MAP4K3: variants seen among roughly 807,000 people sequenced by gnomAD.
The protein encoded by MAP4K3 is mitogen-activated protein kinase kinase kinase kinase 3, also known as MAPK/ERK kinase kinase kinase 3.
MAP4K3 carries 94 observed loss-of-function variants against 143.5 expected under a neutral mutation model. The ratio of observed to expected loss-of-function variants is 0.65; its 90% confidence interval spans 0.55 to 0.78. MAP4K3 has a LOEUF of 0.78. MAP4K3 is among the 30% of genes least tolerant of loss of function. The pLI is 0.00. For synonymous variants in MAP4K3, 416 were observed against 347.2 expected (o/e 1.20, Z -2.20); for missense variants, 1,077 against 1,068.1 (o/e 1.01, Z -0.12).
chr2:39,333,110 T>C (rs559245317), intron 7 of MAP4K3, among the ~76,000 whole-genome samples: 1 of 152,150 alleles, frequency 6.6e-6, no homozygotes, highest in Non-Finnish European at 1.5e-5. Context: ...ACATTCAGCA[T>C]CTAAATTACA....
chr2:39,436,479 C>A (rs1020032932), intron 1 of MAP4K3, among the ~76,000 whole-genome samples: 10 of 152,050 alleles, frequency 6.6e-5, no homozygotes, highest in Non-Finnish European at 1.5e-4. Flanking sequence ...CAACCTAGAG[C>A]GGACGACCCC....
chr2:39,392,755 G>T (rs1036459298), intron 1 of MAP4K3, among the ~76,000 whole-genome samples: 1 of 152,166 alleles, frequency 6.6e-6, no homozygotes, highest in Non-Finnish European at 1.5e-5. Flanking sequence ...TTTATCTTGA[G>T]ACTGAGTTGG....
intron 12 of MAP4K3, 180 bp from the exon 13 acceptor site, chr2:39,315,568 G>C: frequency 1.9e-6 from 1 of 517,704 alleles, no homozygotes; most frequent in Non-Finnish European, 3.4e-6. Flanking sequence ...ACTATTAGGT[G>C]AAAAAATATT....
chr2:39,398,345 C>T (rs1473249864), intron 1 of MAP4K3, among the ~76,000 whole-genome samples: 2 of 151,386 alleles, frequency 1.3e-5, no homozygotes, highest in African/African-American at 2.4e-5. Flanking sequence ...ACTGATATAA[C>T]GAGAGAGCTC....
chr2:39,338,176 A>G (rs939106958), intron 4 of MAP4K3, among the ~76,000 whole-genome samples: 4 of 152,192 alleles, frequency 2.6e-5, no homozygotes, highest in Non-Finnish European at 5.9e-5. Context: ...ATGAATGTCT[A>G]AAGTAGTCAC....
At chr2:39,292,646 A>C in intron 18 of MAP4K3, 127 bp downstream of exon 18, 1 of 773,920 alleles carries the variant, frequency 1.3e-6, no homozygotes, top group South Asian at 1.5e-5. Flanking sequence ...AAAGGAAGGA[A>C]ACTGAGATAC....
At chr2:39,310,443 A>G (rs1032622706) in intron 13 of MAP4K3, among the ~76,000 whole-genome samples, 4 of 152,188 alleles carry the variant, frequency 2.6e-5, no homozygotes, top group Non-Finnish European at 4.4e-5. Flanking sequence ...TTATGACTGA[A>G]TAATATTCTG....
Position 39,366,301 on chromosome 2 carries a change from G to A in MAP4K3, c.155-9962C>T, listed in dbSNP as rs554590402. On this transcript the variant is annotated intron_variant, in intron 2 of 33. Transcript: ENST00000263881. ...GTGGGGGTGGAGGTGGTGGCTTCCA[G>A]GTTAGAGGGAGATTTTAAAAATTTT... 1.3e-3 allele frequency among the ~76,000 whole-genome samples: 193 copies of A among 152,154 alleles called. 3 individuals are homozygous for A. Among genetic ancestry groups the A allele is most frequent in the African/African-American group, 4.5e-3 (187 of 41,504 alleles).
intron 19 of MAP4K3, among the ~76,000 whole-genome samples, chr2:39,288,848 C>T (rs1456575735): frequency 3.9e-5 from 6 of 152,220 alleles, no homozygotes; most frequent in African/African-American, 1.2e-4. Flanking sequence ...GTCAGGAGAT[C>T]GAGATCATCC....
chr2:39,332,945 T>C (rs1163916651), intron 7 of MAP4K3, among the ~76,000 whole-genome samples: 2 of 152,100 alleles, frequency 1.3e-5, no homozygotes. Flanking sequence ...TTTCATTTAA[T>C]ACTAACAAAT....
chr2:39,424,855 G>C (rs1308992015), intron 1 of MAP4K3, among the ~76,000 whole-genome samples: 2 of 117,714 alleles, frequency 1.7e-5, no homozygotes, highest in African/African-American at 7.8e-5. Context: ...AAAAAAAAAA[G>C]TTACCTACAA....
intron 1 of MAP4K3, among the ~76,000 whole-genome samples, chr2:39,410,194 C>G (rs921151929): frequency 2.0e-5 from 3 of 152,170 alleles, no homozygotes; most frequent in Non-Finnish European, 4.4e-5. Context: ...TCATTTAAAG[C>G]AACAGCTGAT....
Position 39,250,502 on chromosome 2 carries a change from A to G in MAP4K3, c.*116T>C. On this transcript the variant is annotated 3_prime_UTR_variant, in exon 34 of 34. Transcript: ENST00000263881. ...CCCATCTTATCTCATGCCACAATAA[A>G]TTACAAAGTAACTGAAGACAGGTTA... 1 of 970,830 alleles carries G rather than the reference A, an allele frequency of 1.0e-6. No homozygotes were observed. Among genetic ancestry groups the G allele is most frequent in the Non-Finnish European group, 1.5e-6 (1 of 664,986 alleles). The allele number at this position is 970,830 out of a possible 1,614,324, so 60.1% of individuals were successfully genotyped here.
intron 1 of MAP4K3, among the ~76,000 whole-genome samples, chr2:39,379,326 A>G (rs1477558025): frequency 6.6e-6 from 1 of 152,116 alleles, no homozygotes; most frequent in Non-Finnish European, 1.5e-5. Flanking sequence ...AATTAATAAA[A>G]TTTGCAGGGA....
intron 1 of MAP4K3, among the ~76,000 whole-genome samples, chr2:39,426,381 G>A (rs948598444): frequency 5.9e-5 from 9 of 152,068 alleles, no homozygotes; most frequent in Admixed American, 2.0e-4. Flanking sequence ...TGCTATAATA[G>A]ACATTACTGG....
intron 1 of MAP4K3, among the ~76,000 whole-genome samples, chr2:39,421,662 C>G (rs1391520664): frequency 1.3e-5 from 2 of 152,098 alleles, no homozygotes; most frequent in East Asian, 3.8e-4. Flanking sequence ...ATAGTATATA[C>G]TCTATAAATG....
intron 23 of MAP4K3, 49 bp downstream of exon 23, chr2:39,280,223 C>A: frequency 9.4e-7 from 1 of 1,066,326 alleles, no homozygotes; most frequent in Non-Finnish European, 1.3e-6. Context: ...TTTCATGGCC[C>A]CAGTTTTAAA....
At chr2:39,405,307 A>C (rs1667065443) in intron 1 of MAP4K3, among the ~76,000 whole-genome samples, 1 of 152,234 alleles carries the variant, frequency 6.6e-6, no homozygotes, top group African/African-American at 2.4e-5. Flanking sequence ...TTTGGATCTT[A>C]TTGAAGACCA....
chr2:39,297,002 T>C (rs1468185231), intron 16 of MAP4K3, among the ~76,000 whole-genome samples: 2 of 152,234 alleles, frequency 1.3e-5, no homozygotes, highest in Non-Finnish European at 2.9e-5. Context: ...TATACTCAAC[T>C]GTGCCAGGAA....
Sources: gnomAD v4.1 joint callset for allele counts (sites outside exome capture counted in the v4.1 genomes callset) on GRCh38, gnomAD v4.1.1 for gene constraint, MANE v1.5 for transcripts, NCBI Gene and HGNC (gene_info 2026-07-23, HGNC 2026-07-21) for gene names.